The following DGKI variants were observed in gnomAD, a reference collection of about 807,000 sequenced individuals.
DGKI encodes the protein diacylglycerol kinase iota, also known as DAG kinase iota.
A neutral mutation model predicts 147.5 loss-of-function variants in DGKI; 55 were observed. The observed-to-expected ratio is 0.37, with a 90% confidence interval of 0.30 to 0.47. The LOEUF (loss-of-function observed/expected upper bound fraction) is 0.47. Among genes scored for constraint, DGKI ranks in the 20% least tolerant of loss-of-function variants. The pLI is 1.00. For missense variants in DGKI, 1,007 were observed against 1,323.8 expected, an observed-to-expected ratio of 0.76 and a Z score of 3.71; for synonymous variants, 469 against 477.1, an observed-to-expected ratio of 0.98 and a Z score of 0.22.
At chr7:137,775,617 A>G (rs1796340685) in intron 1 of DGKI, among the ~76,000 whole-genome samples, 1 of 152,256 alleles carries the variant, frequency 6.6e-6, no homozygotes, top group Admixed American at 6.5e-5. Flanking sequence ...TGGCACATCT[A>G]CTTTGAACCA....
At chr7:137,433,069 G>A (rs1290229055) in intron 28 of DGKI, among the ~76,000 whole-genome samples, 1 of 152,174 alleles carries the variant, frequency 6.6e-6, no homozygotes, top group Non-Finnish European at 1.5e-5. Context: ...AGAAATTGAG[G>A]ATTGACATAA....
chr7:137,661,036 C>T lies in DGKI; in HGVS notation c.607-4496G>A, dbSNP rs117069492. 8.5e-3 allele frequency among the ~76,000 whole-genome samples: 1,294 copies of T among 152,250 alleles called. 8 individuals are homozygous for T. Among genetic ancestry groups the T allele is most frequent in the Non-Finnish European group, 0.013 (866 of 68,016 alleles). ...TGTCAGAAGTTTGACACCCAGGAAG[C>T]AGGTACAACAAGGCTGGCTGTCCCC... On this transcript the variant is annotated intron_variant, in intron 3 of 32. Transcript: ENST00000614521.
At chr7:137,690,235 T>C (rs577063419) in intron 1 of DGKI, among the ~76,000 whole-genome samples, 47 of 152,244 alleles carry the variant, frequency 3.1e-4, no homozygotes, top group Admixed American at 7.2e-4. Flanking sequence ...GAAATAGTGC[T>C]TCAGAACCAA....
chr7:137,816,316 T>TA (rs895324900), intron 1 of DGKI, among the ~76,000 whole-genome samples: 1 of 152,190 alleles, frequency 6.6e-6, no homozygotes, highest in Non-Finnish European at 1.5e-5. Context: ...CTTGGGAAAA[T>TA]AACTCTCTTT....
intron 1 of DGKI, chr7:137,843,483 C>A (rs999315839): frequency 1.1e-4 from 107 of 963,926 alleles, no homozygotes; most frequent in Non-Finnish European, 1.3e-4. Context: ...GGAAAAAATT[C>A]TCATGGGAAA....
intron 5 of DGKI, among the ~76,000 whole-genome samples, chr7:137,653,324 T>C (rs1450883455): frequency 6.6e-6 from 1 of 152,222 alleles, no homozygotes; most frequent in Non-Finnish European, 1.5e-5. Context: ...CTTCTGAAAG[T>C]TGTCTCTATG....
At chr7:137,686,737 C>T (rs936578586) in intron 2 of DGKI, among the ~76,000 whole-genome samples, 1 of 152,192 alleles carries the variant, frequency 6.6e-6, no homozygotes, top group Non-Finnish European at 1.5e-5. Context: ...ATAGTCTATG[C>T]GCACTAAATC....
At chr7:137,494,717 C>T (rs1815895705) in intron 21 of DGKI, among the ~76,000 whole-genome samples, 1 of 152,136 alleles carries the variant, frequency 6.6e-6, no homozygotes, top group Non-Finnish European at 1.5e-5. Flanking sequence ...ACTACAAAAA[C>T]ATGCCTAAAT....
In DGKI at chr7:137,632,748, A is replaced by G. The variant is rs1258028843; in HGVS notation, c.805-9194T>C. On this transcript the variant is annotated intron_variant, in intron 6 of 32. Coordinates refer to ENST00000614521, the MANE Select transcript of DGKI (RefSeq NM_001321708.2). ...GTGGCACACGCCTGTAGTCCCAGCT[A>G]CTCAGGAGGCTGAGGCAGGAGAATT... Among the ~76,000 whole-genome samples the G allele has an allele frequency of 2.0e-5, 3 of 152,098 alleles. No homozygotes were observed. In the East Asian group the frequency reaches 5.8e-4, roughly 29 times the overall value.
At chr7:137,554,687 T>C (rs539680263) in intron 19 of DGKI, among the ~76,000 whole-genome samples, 3 of 151,980 alleles carry the variant, frequency 2.0e-5, no homozygotes, top group African/African-American at 7.3e-5. Flanking sequence ...GAACAGGCAA[T>C]CCTGGGTTGG....
intron 28 of DGKI, among the ~76,000 whole-genome samples, chr7:137,429,685 A>G (rs2128910549): frequency 6.6e-6 from 1 of 150,608 alleles, no homozygotes; most frequent in East Asian, 2.0e-4. Flanking sequence ...AGAATCTACA[A>G]TGAACTCAAA....
intron 12 of DGKI, among the ~76,000 whole-genome samples, chr7:137,593,721 AAC>A (rs1158752427): frequency 2.0e-5 from 3 of 152,062 alleles, no homozygotes; most frequent in Admixed American, 6.5e-5. Context: ...TTTATAAATT[AAC>A]ACATATTGAA....
chr7:137,485,862 T>C (rs1019003550), intron 22 of DGKI, among the ~76,000 whole-genome samples: 1 of 152,154 alleles, frequency 6.6e-6, no homozygotes, highest in African/African-American at 2.4e-5. Context: ...GGTAACTGTT[T>C]ATACTGATAA....
At chr7:137,645,211 C>T (rs1019221157) in intron 6 of DGKI, among the ~76,000 whole-genome samples, 1 of 152,198 alleles carries the variant, frequency 6.6e-6, no homozygotes, top group Non-Finnish European at 1.5e-5. Flanking sequence ...GTCATGTTTT[C>T]AAAAATCATC....
chr7:137,641,237 T>C (rs935624890), intron 6 of DGKI, among the ~76,000 whole-genome samples: 7 of 152,186 alleles, frequency 4.6e-5, no homozygotes, highest in African/African-American at 1.7e-4. Flanking sequence ...CACGTGGAAC[T>C]GTAAATCCAA....
chr7:137,422,515 G>T (rs1812611343), intron 28 of DGKI, among the ~76,000 whole-genome samples: 1 of 148,604 alleles, frequency 6.7e-6, no homozygotes, highest in Non-Finnish European at 1.5e-5. Context: ...CCTATTTACG[G>T]TTTTGTTAGA....
intron 21 of DGKI, 123 bp from the exon 22 acceptor site, chr7:137,487,812 G>A (rs1017614189): frequency 2.4e-5 from 20 of 840,300 alleles, no homozygotes; most frequent in African/African-American, 1.4e-4. Context: ...AGATATGTCC[G>A]TAAAAAGAAA....
chr7:137,816,452 T>C (rs1344476206), intron 1 of DGKI, among the ~76,000 whole-genome samples: 1 of 152,182 alleles, frequency 6.6e-6, no homozygotes, highest in Non-Finnish European at 1.5e-5. Flanking sequence ...AAATGAATGT[T>C]AACTACTGTG....
chr7:137,598,358 C>T (rs1292042519), intron 11 of DGKI, among the ~76,000 whole-genome samples: 2 of 152,038 alleles, frequency 1.3e-5, no homozygotes, highest in Non-Finnish European at 2.9e-5. Context: ...CTTCTTCTAA[C>T]TTATACTTTC....
Sources: allele counts gnomAD v4.1 joint callset (sites outside exome capture counted in the v4.1 genomes callset), GRCh38; gene constraint gnomAD v4.1.1; transcripts MANE v1.5; gene names NCBI Gene and HGNC (gene_info 2026-07-23, HGNC 2026-07-21).